The following TBC1D5 variants were observed in gnomAD, a reference collection of about 807,000 sequenced individuals.
TBC1D5 encodes the protein TBC1 domain family, member 5.
In TBC1D5, 75 loss-of-function variants were observed where a neutral mutation model predicts 100.3. The ratio of observed to expected loss-of-function variants is 0.75; its 90% confidence interval spans 0.62 to 0.91. The LOEUF is 0.91. TBC1D5 is among the 40% of genes least tolerant of loss of function. The pLI, the probability that TBC1D5 is intolerant of heterozygous loss-of-function variation, is 0.00. For synonymous variants in TBC1D5, 323 were observed against 325.6 expected, an observed-to-expected ratio of 0.99 and a Z score of 0.09; for missense variants, 910 against 942.4, an observed-to-expected ratio of 0.97 and a Z score of 0.45.
At chr3:17,308,521 CTGT>C (rs1195826001) in intron 13 of TBC1D5, among the ~76,000 whole-genome samples, 2 of 152,062 alleles carry the variant, frequency 1.3e-5, no homozygotes, top group African/African-American at 2.4e-5. Context: ...TACTGATTTT[CTGT>C]TGTTGTTAAT....
intron 1 of TBC1D5, among the ~76,000 whole-genome samples, chr3:17,732,428 T>C (rs1244424156): frequency 6.6e-6 from 1 of 151,616 alleles, no homozygotes; most frequent in East Asian, 2.0e-4. Context: ...TACTATTCTA[T>C]AATTTTCTGG....
At chr3:17,167,250 G>A (rs1355138773) in intron 20 of TBC1D5, among the ~76,000 whole-genome samples, 9 of 152,102 alleles carry the variant, frequency 5.9e-5, no homozygotes, top group Admixed American at 3.3e-4. Context: ...GCACACCTTG[G>A]TCACTAAAGT....
At chr3:17,347,218 T>C (rs1385761449) in intron 13 of TBC1D5, among the ~76,000 whole-genome samples, 1 of 152,206 alleles carries the variant, frequency 6.6e-6, no homozygotes, top group African/African-American at 2.4e-5. Flanking sequence ...ACTCAGCTTC[T>C]TGATGTCTCA....
rs540021523 is a variant in TBC1D5, at chr3:17,232,695, G to A, written c.1588+5468C>T. ...AAGCTTACTCCTCTATTGCCACAAT[G>A]TGGTGGGTTTTTGTTTTTTAAGTTA... On this transcript the variant is annotated intron_variant, in intron 17 of 21. Coordinates refer to ENST00000253692, the Ensembl canonical transcript of TBC1D5. Among the ~76,000 whole-genome samples, 5 of 152,182 alleles carry A rather than the reference G, an allele frequency of 3.3e-5. No homozygotes were observed. The South Asian group carries it at 1.0e-3, about 32-fold the overall frequency.
At chr3:17,365,815 T>G (rs1049895128) in intron 13 of TBC1D5, among the ~76,000 whole-genome samples, 1 of 152,176 alleles carries the variant, frequency 6.6e-6, no homozygotes, top group Non-Finnish European at 1.5e-5. Flanking sequence ...TGCCTCAGCT[T>G]TCTACCACAC....
intron 16 of TBC1D5, among the ~76,000 whole-genome samples, chr3:17,241,201 T>C (rs1055361886): frequency 6.6e-6 from 1 of 152,164 alleles, no homozygotes; most frequent in Non-Finnish European, 1.5e-5. Flanking sequence ...TATACCAAAG[T>C]TATCTAATTT....
At chr3:17,195,213 T>G (rs2070488051) in intron 18 of TBC1D5, among the ~76,000 whole-genome samples, 1 of 152,222 alleles carries the variant, frequency 6.6e-6, no homozygotes, top group Non-Finnish European at 1.5e-5. Context: ...CTTTTGGGCT[T>G]TTATGCTGTC....
intron 2 of TBC1D5, among the ~76,000 whole-genome samples, chr3:17,572,350 T>G (rs1357079989): frequency 6.6e-6 from 1 of 151,682 alleles, no homozygotes; most frequent in Non-Finnish European, 1.5e-5. Flanking sequence ...ATCCCTCCAC[T>G]AGGAAGTCCA....
rs1033603137 is a variant in TBC1D5, at chr3:17,591,273, C to A, written c.-36+32576G>T. On this transcript the variant is annotated intron_variant, in intron 2 of 21. Coordinates refer to ENST00000253692, the Ensembl canonical transcript of TBC1D5. ...AAAAAAAAAAAAAAAAAAACAAAAA[C>A]CCCAGAGAATCATGGCCCCTCAATT... 1.8e-3 allele frequency among the ~76,000 whole-genome samples: 102 copies of A among 57,424 alleles called. No individual in the cohort carries two copies. The East Asian group carries it at 0.026, about 15-fold the overall frequency. The allele number at this position is 57,424 out of a possible 152,430, so 37.7% of individuals were successfully genotyped here.
exon 16 of TBC1D5, chr3:17,258,581 C>T: frequency 6.2e-7 from 1 of 1,611,432 alleles, no homozygotes; most frequent in Non-Finnish European, 8.5e-7. Flanking sequence ...AGTCACTGGT[C>T]TTGGATTTCT....
intron 6 of TBC1D5, 44 bp from the exon 7 acceptor site, chr3:17,404,812 C>T (rs373574382): frequency 1.9e-6 from 3 of 1,585,502 alleles, no homozygotes; most frequent in South Asian, 2.3e-5. Flanking sequence ...TCAGAGGCTA[C>T]TGGACTTTAA....
exon 22 of TBC1D5, chr3:17,158,824 G>T (rs2124952270): frequency 6.6e-6 from 1 of 152,358 alleles, no homozygotes; most frequent in Admixed American, 6.5e-5. Flanking sequence ...AATACTAGAG[G>T]TCAGCAGGTG....
chr3:17,734,695 T>C (rs1343691835), intron 1 of TBC1D5, among the ~76,000 whole-genome samples: 1 of 152,168 alleles, frequency 6.6e-6, no homozygotes, highest in Non-Finnish European at 1.5e-5. Flanking sequence ...ATAATCCCAA[T>C]AATGGCATGT....
chr3:17,206,444 A>G (rs1469896545), intron 18 of TBC1D5, among the ~76,000 whole-genome samples: 3 of 152,204 alleles, frequency 2.0e-5, no homozygotes, highest in Non-Finnish European at 4.4e-5. Flanking sequence ...AGGTTAGGCA[A>G]TTCTCCAGTT....
At chr3:17,354,334 T>C (rs1396646655) in intron 13 of TBC1D5, among the ~76,000 whole-genome samples, 1 of 152,146 alleles carries the variant, frequency 6.6e-6, no homozygotes, top group Non-Finnish European at 1.5e-5. Context: ...CTGATAGACT[T>C]TATCACTTTT....
In TBC1D5 at chr3:17,600,871, C is replaced by T. The variant is rs189672655; in HGVS notation, c.-36+22978G>A. Among the ~76,000 whole-genome samples the T allele has an allele frequency of 1.2e-4, 18 of 152,180 alleles. No individual in the cohort carries two copies. The South Asian group carries it at 1.5e-3, about 12-fold the overall frequency. ...AAAGTCAATCTTTTTTTAAAATAAT[C>T]CTTGAAATATTTCGTGTTTGTCTTT... On this transcript the variant is annotated intron_variant, in intron 2 of 21. Coordinates refer to ENST00000253692, the Ensembl canonical transcript of TBC1D5.
At chr3:17,712,314 A>T (rs568485632) in intron 1 of TBC1D5, among the ~76,000 whole-genome samples, 1 of 152,292 alleles carries the variant, frequency 6.6e-6, no homozygotes, top group East Asian at 1.9e-4. Context: ...TTTACCATAG[A>T]TCTTTACAAG....
intron 13 of TBC1D5, among the ~76,000 whole-genome samples, chr3:17,340,026 T>C (rs543425608): frequency 6.6e-6 from 1 of 152,342 alleles, no homozygotes. Context: ...TTGCTAGCAG[T>C]AGGCAAATTT....
At chr3:17,458,264 T>C (rs865860850) in intron 3 of TBC1D5, among the ~76,000 whole-genome samples, 13 of 152,298 alleles carry the variant, frequency 8.5e-5, no homozygotes, top group Middle Eastern at 3.4e-3. Flanking sequence ...TTTTTCCCTG[T>C]TTCCATACCC....
Sources: allele counts gnomAD v4.1 joint callset (sites outside exome capture counted in the v4.1 genomes callset), GRCh38; gene constraint gnomAD v4.1.1; transcripts MANE v1.5; gene names NCBI Gene and HGNC (gene_info 2026-07-23, HGNC 2026-07-21).